The following KAZN variants were observed in gnomAD, a reference collection of about 807,000 sequenced individuals.
The protein encoded by KAZN is kazrin.
KAZN carries 40 observed loss-of-function variants against 87.4 expected under a neutral mutation model. The ratio of observed to expected loss-of-function variants is 0.46; its 90% CI spans 0.36 to 0.60. KAZN has a LOEUF of 0.60. KAZN is among the 20% of genes least tolerant of loss of function. The pLI, the probability that KAZN is intolerant of heterozygous loss-of-function variation, is 0.00. For missense variants in KAZN, 898 were observed against 1,073.9 expected (o/e 0.84, Z 2.29); for synonymous variants, 466 against 458.3 (o/e 1.02, Z -0.22).
At chr1:14,992,995 T>G (rs977627870) in intron 2 of KAZN, among the ~76,000 whole-genome samples, 26 of 144,832 alleles carry the variant, frequency 1.8e-4, no homozygotes, top group Non-Finnish European at 5.9e-5. Context: ...TTACCACAAT[T>G]TTTTTTTTTC....
At chr1:14,552,225 C>A (rs1294015200) in intron 2 of KAZN, among the ~76,000 whole-genome samples, 1 of 152,212 alleles carries the variant, frequency 6.6e-6, no homozygotes, top group Non-Finnish European at 1.5e-5. Flanking sequence ...TGCCACCATC[C>A]TCCTGCCCCC....
In KAZN at chr1:14,773,521, G is replaced by A. The variant is rs1645080252; in HGVS notation, c.226+174298G>A. On this transcript the variant is annotated intron_variant, in intron 1 of 14. Transcript: ENST00000376030. This position sits in a 1 kb window ranked among gnomAD's most constrained non-coding sequence, Gnocchi z 5.9. ...CAGAGTGGTCACTGGGAGGCAAAAG[G>A]GCCTGGCTTCCCCGAATCTCAGCTT... is the stretch of plus-strand genomic sequence containing the variant. Among the ~76,000 whole-genome samples, 1 of 152,136 alleles carries A rather than the reference G, an allele frequency of 6.6e-6. No individual in the cohort carries two copies. Among genetic ancestry groups the A allele is most frequent in the Non-Finnish European group, 1.5e-5 (1 of 68,030 alleles).
In KAZN at chr1:15,115,316, G is replaced by T. The variant is rs1557811816; in HGVS notation, c.*681G>T. The T allele has an allele frequency of 6.6e-6, 1 of 152,396 alleles. No homozygotes were observed. The highest frequency in any genetic ancestry group is 1.9e-4 in the East Asian group (1 of 5,184). The allele number at this position is 152,396 out of a possible 1,614,324, so 9.4% of individuals were successfully genotyped here. ...CCCAGGAGTGGCTACGCTGAGTGGG[G>T]AGCCGGTGAATGATCCGTGCAGGAG... On this transcript the variant is annotated 3_prime_UTR_variant, in exon 15 of 15. Coordinates refer to ENST00000376030, the MANE Select transcript of KAZN (RefSeq NM_201628.3). The surrounding 1 kb of genome is among the most constrained non-coding windows in gnomAD (Gnocchi z 4.1).
chr1:14,672,986 G>A (rs892993961), intron 1 of KAZN, among the ~76,000 whole-genome samples: 1 of 152,190 alleles, frequency 6.6e-6, no homozygotes, highest in African/African-American at 2.4e-5. Flanking sequence ...AAAAGAGGCC[G>A]AGAACGTTTC....
chr1:14,095,370 T>C (rs1480628754), intron 1 of KAZN, among the ~76,000 whole-genome samples: 2 of 152,222 alleles, frequency 1.3e-5, no homozygotes, highest in Admixed American at 6.5e-5. Context: ...TTCACATACG[T>C]TGCATAAGCA....
chr1:14,840,428 G>A (rs527414020), intron 1 of KAZN, among the ~76,000 whole-genome samples: 55 of 152,306 alleles, frequency 3.6e-4, no homozygotes, highest in African/African-American at 1.2e-3. Flanking sequence ...ACAGGTGCAA[G>A]AAAGGAGAGA....
chr1:14,810,647 A>T (rs1646379129), intron 1 of KAZN, among the ~76,000 whole-genome samples: 1 of 149,922 alleles, frequency 6.7e-6, no homozygotes, highest in Non-Finnish European at 1.5e-5. Context: ...CTAGTACCAA[A>T]CTGCTAGCAA....
At chr1:14,908,886 G>A (rs1656908149) in intron 1 of KAZN, among the ~76,000 whole-genome samples, 1 of 151,902 alleles carries the variant, frequency 6.6e-6, no homozygotes, top group African/African-American at 2.4e-5. Context: ...GTGGTGGCAG[G>A]CGCCTGTAAT....
chr1:14,297,980 C>T (rs55810452), intron 2 of KAZN, among the ~76,000 whole-genome samples: 2,291 of 152,232 alleles, frequency 0.015, 57 homozygotes, highest in African/African-American at 0.051. Flanking sequence ...AATCCCAGCA[C>T]TTTGGGAGGC....
chr1:14,104,288 C>T lies in KAZN; in HGVS notation c.92-76147C>T, dbSNP rs182781035. Among the ~76,000 whole-genome samples, 211 of 152,332 alleles carry T rather than the reference C, an allele frequency of 1.4e-3. 1 individual carries two copies. In the Middle Eastern group the frequency reaches 0.02, roughly 15 times the overall value. On this transcript the variant is annotated intron_variant, in intron 1 of 16. Coordinates refer to the KAZN transcript ENST00000636203. The stretch of plus-strand genomic sequence containing the variant: ...TCTCCTGGCGCTGGAGGAGGTCTGT[C>T]CTCAACTCTTGACTCAACATCCCCC...
intron 1 of KAZN, among the ~76,000 whole-genome samples, chr1:14,867,707 T>G (rs1651628633): frequency 6.7e-6 from 1 of 150,366 alleles, no homozygotes; most frequent in Admixed American, 6.6e-5. Context: ...TCTGCTTTAC[T>G]CGGTGTCTTT....
chr1:14,929,741 A>G, intron 1 of KAZN: 1 of 984,038 alleles, frequency 1.0e-6, no homozygotes. Context: ...AGTTATTTTA[A>G]TGGATTTACT....
chr1:14,228,619 G>A (rs1037133629), intron 2 of KAZN, among the ~76,000 whole-genome samples: 1 of 152,176 alleles, frequency 6.6e-6, no homozygotes, highest in Non-Finnish European at 1.5e-5. Context: ...AAAAGGGCAT[G>A]AACCTACTCT....
At chr1:14,064,950 G>A (rs369056111) in intron 1 of KAZN, among the ~76,000 whole-genome samples, 4 of 152,198 alleles carry the variant, frequency 2.6e-5, no homozygotes, top group Admixed American at 6.5e-5. Context: ...GGCCACCAGC[G>A]GCCAGTAAGC....
chr1:14,171,953 G>A (rs948976574), intron 1 of KAZN, among the ~76,000 whole-genome samples: 1 of 151,214 alleles, frequency 6.6e-6, no homozygotes, highest in Non-Finnish European at 1.5e-5. Context: ...GACACAAAAT[G>A]TCAAAGCGTG....
intron 2 of KAZN, among the ~76,000 whole-genome samples, chr1:14,501,190 C>T (rs889939109): frequency 6.6e-6 from 1 of 151,706 alleles, no homozygotes; most frequent in African/African-American, 2.4e-5. Flanking sequence ...TGAATGTTTT[C>T]CCTCCAAGAT....
chr1:15,079,571 C>T (rs1288946290), intron 8 of KAZN, among the ~76,000 whole-genome samples: 1 of 152,106 alleles, frequency 6.6e-6, no homozygotes, highest in East Asian at 1.9e-4. Context: ...GCTTTGCCTC[C>T]AAGAGCTGTA....
intron 1 of KAZN, among the ~76,000 whole-genome samples, chr1:14,860,407 G>A (rs573068893): frequency 7.9e-5 from 12 of 152,222 alleles, no homozygotes; most frequent in Non-Finnish European, 1.5e-4. Flanking sequence ...GGCCAGGCTG[G>A]TCTCAAACTC....
intron 2 of KAZN, among the ~76,000 whole-genome samples, chr1:14,398,498 C>T (rs1663089783): frequency 6.6e-6 from 1 of 152,178 alleles, no homozygotes; most frequent in Admixed American, 6.5e-5. Flanking sequence ...GAAGTGTTTG[C>T]TATTATCCCT....
Sources: gnomAD v4.1 joint callset for allele counts (sites outside exome capture counted in the v4.1 genomes callset) on GRCh38, gnomAD v4.1.1 for gene constraint, Gnocchi (gnomAD v3.1) non-coding constraint, MANE v1.5 for transcripts, NCBI Gene and HGNC (gene_info 2026-07-23, HGNC 2026-07-21) for gene names.